Variants in RAB3D observed in about 807,000 individuals in gnomAD.
RAB3D encodes the protein RAB3D, member RAS oncogene family.
A neutral mutation model predicts 19.3 loss-of-function variants in RAB3D; 17 were observed. That is an observed-to-expected ratio of 0.88 (90% CI 0.60 to 1.32). The LOEUF is 1.32. Ranked by LOEUF, RAB3D falls within the 40% of genes most tolerant of loss-of-function variation. RAB3D has a pLI of 0.00. For missense variants in RAB3D, 223 were observed against 299.1 expected (o/e 0.75, Z 1.88); for synonymous variants, 103 against 119.9 (o/e 0.86, Z 0.92).
Position 11,335,669 on chromosome 19 carries a change from C to A in RAB3D, c.343G>T (p.Asp115Tyr). ...ANQESFAAVQ[D>Y]WATQIKTYSW... is the part of the protein sequence containing the mutation. ...CCATGATCAGCAAGCACTCACCAGT[C>A]CTGCACAGCGGCAAAGGATTCCTGA... is the stretch of plus-strand genomic sequence containing the variant. Residue 115 changes from aspartate to tyrosine, a missense_variant, in exon 3 of 5, where the codon GAC becomes TAC. By Grantham distance (160) the Asp-to-Tyr change is radical (BLOSUM62 -3). Transcript: ENST00000222120. The A allele has an allele frequency of 6.2e-7, 1 of 1,614,086 alleles. No homozygotes were observed.
Position 11,325,378 on chromosome 19 carries a change from TG to T in RAB3D, c.*19del. On this transcript the variant is annotated 3_prime_UTR_variant, in exon 5 of 5. Coordinates refer to ENST00000222120, the MANE Select transcript of RAB3D (RefSeq NM_004283.4). ...CCTGCCGAGGCAGGAGAGGGGTGGG[TG>T]GGGGGTTGGGGGCCATCTCTAGCAG... 9.2e-7 allele frequency: 1 copy of T among 1,083,164 alleles called. No individual in the cohort carries two copies. Among genetic ancestry groups the T allele is most frequent in the Non-Finnish European group, 1.2e-6 (1 of 857,530 alleles). The allele number at this position is 1,083,164 out of a possible 1,614,324, so 67.1% of individuals were successfully genotyped here. A position where few individuals can be genotyped will look rare whatever the true frequency, so the allele number is the denominator to read the frequency against.
At position 11,335,664 on chromosome 19, in the gene RAB3D, C is replaced by A. The variant is rs866873531; in HGVS notation, c.347+1G>T. 1 of 1,614,024 alleles carries A rather than the reference C, an allele frequency of 6.2e-7. No individual in the cohort carries two copies. Among genetic ancestry groups the A allele is most frequent in the Middle Eastern group, 1.6e-4 (1 of 6,062 alleles). On this transcript the variant is annotated splice_donor_variant, in intron 3 of 4. Transcript: ENST00000222120. LOFTEE classifies it high-confidence loss of function. ...GGGGTCCATGATCAGCAAGCACTCA[C>A]CAGTCCTGCACAGCGGCAAAGGATT...
chr19:11,325,889 C>A (rs960876075), intron 4 of RAB3D, among the ~76,000 whole-genome samples: 10 of 152,076 alleles, frequency 6.6e-5, no homozygotes, highest in African/African-American at 2.2e-4. Flanking sequence ...GCCTGGGCAA[C>A]ATAGCAAGGC....
rs756183735 is a variant in RAB3D, at chr19:11,325,530, G to A, written c.528C>T (p.Phe176=). The A allele has an allele frequency of 1.3e-5, 21 of 1,613,558 alleles. No individual in the cohort carries two copies. The highest frequency in any genetic ancestry group is 2.2e-5 in the East Asian group (1 of 44,886). ...AKENINVKQV[F]ERLVDVICEK... is the part of the protein sequence containing the mutation. ...CGCAGATGACATCCACCAGGCGCTCGAAGACCTGCTTCACATTGATGTTCT... is the reference window on the plus strand; with the variant it reads ...CGCAGATGACATCCACCAGGCGCTCAAAGACCTGCTTCACATTGATGTTCT... Residue 176 remains phenylalanine, a synonymous_variant, in exon 5 of 5, where the codon TTC becomes TTT. Transcript: ENST00000222120.
At position 11,335,753 on chromosome 19, in the gene RAB3D, T is replaced by C. The variant is rs757865805; in HGVS notation, c.259A>G (p.Ile87Val). 6.2e-7 allele frequency: 1 copy of C among 1,614,210 alleles called. No homozygotes were observed. The highest frequency in any genetic ancestry group is 8.5e-7 in the Non-Finnish European group (1 of 1,180,038). The change falls in exon 3 of 5, where the codon ATC becomes GTC. Residue 87 changes from isoleucine to valine, a missense_variant. Coordinates refer to ENST00000222120, the MANE Select transcript of RAB3D (RefSeq NM_004283.4). ...GCTCCCCGGTAGTAGGCCGTGGTGA[T>C]GGTGCGGTAGCGCTCCTGGCCCGCT... The part of the protein sequence containing the change: ...DTAGQERYRT[I>V]TTAYYRGAMG...
intron 1 of RAB3D, among the ~76,000 whole-genome samples, chr19:11,338,828 C>A (rs568615737): frequency 6.6e-6 from 1 of 152,344 alleles, no homozygotes; most frequent in African/African-American, 2.4e-5. Flanking sequence ...CTCCAACATG[C>A]TGCTTCATCC....
intron 4 of RAB3D, among the ~76,000 whole-genome samples, chr19:11,329,484 G>A (rs1177823567): frequency 6.6e-6 from 1 of 151,758 alleles, no homozygotes; most frequent in African/African-American, 2.4e-5. Context: ...GCACATGCCT[G>A]TAATCCCAGC....
At chr19:11,334,734 C>G (rs989386144) in intron 4 of RAB3D, among the ~76,000 whole-genome samples, 7 of 152,192 alleles carry the variant, frequency 4.6e-5, no homozygotes, top group African/African-American at 1.2e-4. Flanking sequence ...ACCATCCTGG[C>G]TAACATGGTG....
Position 11,335,460 on chromosome 19 carries a change from G to A in RAB3D, c.459C>T (p.Leu153=), listed in dbSNP as rs769454981. 40 of 1,614,012 alleles carry A rather than the reference G, an allele frequency of 2.5e-5. No individual in the cohort carries two copies. In the Admixed American group the frequency reaches 5.0e-4, roughly 20 times the overall value. Residue 153 remains leucine (L), a synonymous_variant, in exon 4 of 5, where the codon CTC becomes CTT. Transcript: ENST00000222120. ...CTGGGCACTAACCAAGGTCGTCGGCGAGCCTCCGGCCATCCTCAGCAGGCA... is the reference window on the plus strand; with the variant it reads ...CTGGGCACTAACCAAGGTCGTCGGCAAGCCTCCGGCCATCCTCAGCAGGCA... ...RVVPAEDGRR[L]ADDLGFEFFE...
chr19:11,325,725 C>G, intron 4 of RAB3D, 140 bp from the exon 5 acceptor site: 1 of 728,478 alleles, frequency 1.4e-6, no homozygotes, highest in South Asian at 2.0e-5. Context: ...CTTTGCCACT[C>G]CAAGCCTCAG....
At position 11,335,397 on chromosome 19, in the gene RAB3D, A is replaced by G. The variant is rs2080848638; in HGVS notation, c.472+50T>C. 5 of 1,606,432 alleles carry G rather than the reference A, an allele frequency of 3.1e-6. No individual in the cohort carries two copies. The African/African-American group carries it at 5.3e-5, about 17-fold the overall frequency. ...GACCCTGAATCAGAGGATGGGGATG[A>G]GGGTTTGGTTCTGGGAGACCAGGGC... is the stretch of plus-strand genomic sequence containing the variant. On this transcript the variant is annotated intron_variant, in intron 4 of 4. Coordinates refer to ENST00000222120, the MANE Select transcript of RAB3D (RefSeq NM_004283.4).
intron 4 of RAB3D, among the ~76,000 whole-genome samples, chr19:11,328,327 T>C (rs1261527096): frequency 2.0e-5 from 2 of 99,222 alleles, no homozygotes; most frequent in Non-Finnish European, 3.6e-5. Flanking sequence ...GAACAAGATA[T>C]TATCTCAAAA....
In RAB3D at chr19:11,337,247, G is replaced by A. The variant is rs767093366; in HGVS notation, c.153C>T (p.Phe51=). Reference sequence around the variant, plus strand: ...TGAAATCGATGCCCACAGTACTGACGAAGGCGGGAGTGAAGGAGTCGTCCG... The same window carrying A: ...TGAAATCGATGCCCACAGTACTGACAAAGGCGGGAGTGAAGGAGTCGTCCG... ...RYADDSFTPA[F]VSTVGIDFKV... is the part of the protein sequence containing the mutation. Residue 51 remains phenylalanine (F), a synonymous_variant, in exon 2 of 5, where the codon TTC becomes TTT. Coordinates refer to ENST00000222120, the MANE Select transcript of RAB3D (RefSeq NM_004283.4). 5 of 1,613,986 alleles carry A rather than the reference G, an allele frequency of 3.1e-6. No homozygotes were observed. The African/African-American group carries it at 4.0e-5, about 13-fold the overall frequency.
At chr19:11,336,682 G>A (rs563137895) in intron 2 of RAB3D, among the ~76,000 whole-genome samples, 3 of 151,916 alleles carry the variant, frequency 2.0e-5, no homozygotes, top group African/African-American at 7.2e-5. Flanking sequence ...ACTGTTTCCC[G>A]CCAGGCACAG....
In RAB3D at chr19:11,335,425, G is replaced by A. The variant is rs375170222; in HGVS notation, c.472+22C>T. On this transcript the variant is annotated intron_variant, in intron 4 of 4. Transcript: ENST00000222120. ...GTTTGGTTCTGGGAGACCAGGGCCT[G>A]TGGCCCAGGCTGGGCACTAACCAAG... The A allele has an allele frequency of 1.4e-5, 22 of 1,613,278 alleles. No homozygotes were observed. In the South Asian group the frequency reaches 1.6e-4, roughly 12 times the overall value.
intron 4 of RAB3D, among the ~76,000 whole-genome samples, chr19:11,326,604 C>T (rs1241638236): frequency 6.6e-6 from 1 of 152,162 alleles, no homozygotes; most frequent in African/African-American, 2.4e-5. Context: ...GTCACATTTT[C>T]CATTGCTTTT....
At chr19:11,337,089 G>A (rs1202579040) in intron 2 of RAB3D, 83 bp downstream of exon 2, 14 of 1,201,794 alleles carry the variant, frequency 1.2e-5, no homozygotes, top group East Asian at 7.1e-5. Flanking sequence ...GTGAGACTCC[G>A]TCTCAAAAAA....
chr19:11,325,462 C>T lies in RAB3D; in HGVS notation c.596G>A (p.Ser199Asn), dbSNP rs770656530. The stretch of plus-strand genomic sequence containing the variant: ...CCCCACGGCCGGGCCTTTCCCGTTG[C>T]TGCCTGAGCTGGAGCTGGGTTCCAG... ...ESLEPSSSSGSNGKGPAVGDA... is the reference protein window; with the variant it reads ...ESLEPSSSSGNNGKGPAVGDA... The change falls in exon 5 of 5, where the codon AGC becomes AAC. Residue 199 changes from serine to asparagine, a missense_variant. Ser to Asn is a conservative substitution (Grantham distance 46). Coordinates refer to ENST00000222120, the MANE Select transcript of RAB3D (RefSeq NM_004283.4). 6 of 1,612,044 alleles carry T rather than the reference C, an allele frequency of 3.7e-6. No homozygotes were observed. Among genetic ancestry groups the T allele is most frequent in the Non-Finnish European group, 8.5e-7 (1 of 1,180,002 alleles).
At chr19:11,327,019 C>T (rs143644613) in intron 4 of RAB3D, 9 of 472,378 alleles carry the variant, frequency 1.9e-5, no homozygotes, top group East Asian at 1.0e-4. Flanking sequence ...TTCAGACAAA[C>T]GCCTGCCACG....
Sources: gnomAD v4.1 joint callset for allele counts (sites outside exome capture counted in the v4.1 genomes callset) on GRCh38, gnomAD v4.1.1 for gene constraint, MANE v1.5 for transcripts, NCBI Gene and HGNC (gene_info 2026-07-23, HGNC 2026-07-21) for gene names.